GPLD1: variants seen among roughly 807,000 people sequenced by gnomAD.
GPLD1 encodes phosphatidylinositol-glycan-specific phospholipase D.
GPLD1 carries 84 observed loss-of-function variants against 112.6 expected under a neutral mutation model. That is an observed-to-expected ratio of 0.75 (90% CI 0.63 to 0.89). GPLD1 has a LOEUF of 0.89. Ranked by LOEUF, GPLD1 falls within the 40% of genes least tolerant of loss-of-function variation. GPLD1 has a pLI of 0.00. For missense variants in GPLD1, 1,044 were observed against 1,051.5 expected (o/e 0.99, Z 0.10); for synonymous variants, 386 against 403.8 (o/e 0.96, Z 0.53).
At chr6:24,430,935 T>TTA (rs1554128352) in intron 24 of GPLD1, among the ~76,000 whole-genome samples, 3 of 152,128 alleles carry the variant, frequency 2.0e-5, no homozygotes, top group Non-Finnish European at 4.4e-5. Flanking sequence ...TACTTTTAGA[T>TTA]TATATATACC....
chr6:24,447,983 T>A lies in GPLD1; in HGVS notation c.1572A>T (p.Gly524=). The A allele has an allele frequency of 1.2e-6, 2 of 1,613,684 alleles. No individual in the cohort carries two copies. The highest frequency in any genetic ancestry group is 1.7e-6 in the Non-Finnish European group (2 of 1,179,940). ...CGATGACCAGATCGGGTTCACTGTC[T>A]CCATTCACATCTGCAGCCAAGAGAG... ...GWTLLAADVN[G]DSEPDLVIGS... Residue 524 remains glycine, a synonymous_variant, in exon 17 of 25, where the codon GGA becomes GGT. Coordinates refer to ENST00000230036, the MANE Select transcript of GPLD1 (RefSeq NM_001503.4).
chr6:24,444,253 T>TA (rs1448154525), intron 20 of GPLD1, among the ~76,000 whole-genome samples: 1 of 152,080 alleles, frequency 6.6e-6, no homozygotes, highest in Non-Finnish European at 1.5e-5. Flanking sequence ...ATGCTGGCAT[T>TA]AAAAAAATGC....
intron 13 of GPLD1, among the ~76,000 whole-genome samples, chr6:24,454,962 C>T (rs1197703091): frequency 6.6e-6 from 1 of 152,300 alleles, no homozygotes; most frequent in East Asian, 1.9e-4. Flanking sequence ...AATGCTGTCT[C>T]TACTAAAAAT....
intron 2 of GPLD1, among the ~76,000 whole-genome samples, chr6:24,480,500 T>G (rs1764165952): frequency 6.6e-6 from 1 of 152,156 alleles, no homozygotes; most frequent in Non-Finnish European, 1.5e-5. Context: ...CAGCTGGTTT[T>G]TTATAAAATT....
At chr6:24,472,704 T>C (rs1763864160) in intron 6 of GPLD1, 68 bp from the exon 7 acceptor site, 2 of 851,754 alleles carry the variant, frequency 2.3e-6, no homozygotes, top group Admixed American at 1.8e-5. Flanking sequence ...CTATTCAACA[T>C]GAGGTCTGAC....
chr6:24,462,346 G>T (rs1763465501), intron 11 of GPLD1, among the ~76,000 whole-genome samples: 1 of 151,902 alleles, frequency 6.6e-6, no homozygotes, highest in South Asian at 2.1e-4. Context: ...TGTTGCTGAG[G>T]CTGGTCCTGA....
At chr6:24,487,171 T>C (rs953470894) in intron 1 of GPLD1, among the ~76,000 whole-genome samples, 1 of 152,152 alleles carries the variant, frequency 6.6e-6, no homozygotes, top group Non-Finnish European at 1.5e-5. Flanking sequence ...AACCCACAAA[T>C]ACAAATAACC....
At chr6:24,472,561 T>A in intron 7 of GPLD1, 21 bp downstream of exon 7, 1 of 1,452,150 alleles carries the variant, frequency 6.9e-7, no homozygotes, top group Non-Finnish European at 9.7e-7. Flanking sequence ...TACCACATAT[T>A]TAGATGTACA....
intron 21 of GPLD1, 75 bp downstream of exon 21, chr6:24,437,038 G>A (rs1239477706): frequency 1.5e-6 from 2 of 1,331,462 alleles, no homozygotes; most frequent in Non-Finnish European, 2.1e-6. Flanking sequence ...GCAGAGCCCA[G>A]ATGACCCAAT....
At chr6:24,442,744 CA>C (rs202220604) in intron 20 of GPLD1, among the ~76,000 whole-genome samples, 18,435 of 151,538 alleles carry the variant, frequency 0.12, 1,625 homozygotes, top group East Asian at 0.43. Flanking sequence ...GCGCCTGGCC[CA>C]ATTTTTAAAA....
intron 22 of GPLD1, chr6:24,435,960 GAA>G (rs148178870): frequency 0.066 from 9,964 of 150,962 alleles, 766 homozygotes; most frequent in African/African-American, 0.19. Context: ...ACGTTTTAAT[GAA>G]ACTCCAGTGG....
intron 22 of GPLD1, among the ~76,000 whole-genome samples, chr6:24,434,706 T>G (rs1365462531): frequency 6.6e-6 from 1 of 151,544 alleles, no homozygotes; most frequent in Non-Finnish European, 1.5e-5. Context: ...GGCGTGGTAG[T>G]GGGCGCCTGT....
At chr6:24,483,078 A>C (rs1421034074) in intron 2 of GPLD1, among the ~76,000 whole-genome samples, 2 of 152,230 alleles carry the variant, frequency 1.3e-5, no homozygotes, top group Non-Finnish European at 2.9e-5. Context: ...CTGTTATCCC[A>C]GCACTTTGGG....
intron 3 of GPLD1, among the ~76,000 whole-genome samples, 175 bp from the exon 4 acceptor site, chr6:24,476,453 T>A (rs188083475): frequency 1.2e-4 from 19 of 152,208 alleles, no homozygotes; most frequent in Middle Eastern, 3.4e-3. Flanking sequence ...CCAGCTGAGA[T>A]TTTGGAATAC....
At chr6:24,465,196 CAAAAAA>C (rs34368143) in intron 10 of GPLD1, among the ~76,000 whole-genome samples, 1,451 of 101,324 alleles carry the variant, frequency 0.014, 22 homozygotes, top group South Asian at 0.041. Flanking sequence ...GACTCTGTCT[CAAAAAA>C]AAAAAAAAAA....
chr6:24,441,569 A>AT (rs1225855485), intron 20 of GPLD1, among the ~76,000 whole-genome samples: 1 of 152,184 alleles, frequency 6.6e-6, no homozygotes, highest in Non-Finnish European at 1.5e-5. Context: ...GATGGTTGTG[A>AT]TAAAAAGCAG....
intron 21 of GPLD1, 53 bp downstream of exon 21, chr6:24,437,060 C>T: frequency 1.3e-6 from 2 of 1,515,450 alleles, no homozygotes; most frequent in East Asian, 2.3e-5. Context: ...AGGGGACCCA[C>T]CCCCTGGGCA....
In GPLD1 at chr6:24,473,652, A is replaced by G; in HGVS notation, c.457T>C (p.Ser153Pro). 1 of 1,608,372 alleles carries G rather than the reference A, an allele frequency of 6.2e-7. No individual in the cohort carries two copies. The highest frequency in any genetic ancestry group is 8.5e-7 in the Non-Finnish European group (1 of 1,175,106). The change falls in exon 6 of 25, where the codon TCC becomes CCC. Residue 153 changes from serine to proline, a missense_variant. Physicochemically the swap from Ser to Pro is moderately conservative, Grantham distance 74. Coordinates refer to ENST00000230036, the MANE Select transcript of GPLD1 (RefSeq NM_001503.4). ...CCAGCCGAATGAGCCTCTGAATAGG[A>G]GCCGTGAAAATCAATCTAAGAAAGA... ...RTMGAIDFHG[S>P]YSEAHSAGDF...
intron 1 of GPLD1, among the ~76,000 whole-genome samples, chr6:24,486,456 G>C (rs996422567): frequency 1.3e-5 from 2 of 152,164 alleles, no homozygotes; most frequent in Non-Finnish European, 2.9e-5. Flanking sequence ...CCACCGTATA[G>C]GTTGGTTGAA....
Sources: gnomAD v4.1 joint callset for allele counts (sites outside exome capture counted in the v4.1 genomes callset) on GRCh38, gnomAD v4.1.1 for gene constraint, MANE v1.5 for transcripts, NCBI Gene and HGNC (gene_info 2026-07-23, HGNC 2026-07-21) for gene names.